HDAC9: variants seen among roughly 807,000 people sequenced by gnomAD.
The protein encoded by HDAC9 is MEF-2 interacting transcription repressor (MITR) protein.
Under a neutral mutation model 139.4 loss-of-function variants are expected in HDAC9, and 41 were observed. The ratio of observed to expected loss-of-function variants is 0.29; its 90% CI spans 0.23 to 0.38. The LOEUF (loss-of-function observed/expected upper bound fraction) is 0.38. HDAC9 is among the 10% of genes least tolerant of loss of function. The pLI is 1.00. For synonymous variants in HDAC9, 517 were observed against 476.2 expected, an observed-to-expected ratio of 1.09 and a Z score of -1.12; for missense variants, 1,147 against 1,297.0, an observed-to-expected ratio of 0.88 and a Z score of 1.78.
chr7:18,923,065 T>A (rs726805), intron 22 of HDAC9, among the ~76,000 whole-genome samples: 57,253 of 151,832 alleles, frequency 0.38, 11,163 homozygotes, highest in African/African-American at 0.39. Flanking sequence ...TCACTATGAA[T>A]TTCTTTTGTC....
chr7:18,821,244 AT>A (rs1386580090), intron 17 of HDAC9, among the ~76,000 whole-genome samples: 1 of 152,212 alleles, frequency 6.6e-6, no homozygotes. Flanking sequence ...TAATAATATC[AT>A]ATTGACCCTT....
At chr7:18,353,355 G>A (rs1005243512) in intron 1 of HDAC9, among the ~76,000 whole-genome samples, 1 of 152,026 alleles carries the variant, frequency 6.6e-6, no homozygotes, top group Non-Finnish European at 1.5e-5. Flanking sequence ...ATAACTCCAT[G>A]TGTCACAAAA....
chr7:18,614,005 A>AT (rs555998789), intron 6 of HDAC9, among the ~76,000 whole-genome samples: 13 of 152,066 alleles, frequency 8.5e-5, no homozygotes, highest in African/African-American at 2.9e-4. Context: ...TGTCTCTTCT[A>AT]TTTTTTTAAC....
At chr7:18,392,646 C>T (rs571462999) in intron 1 of HDAC9, among the ~76,000 whole-genome samples, 19 of 152,060 alleles carry the variant, frequency 1.2e-4, no homozygotes, top group South Asian at 1.0e-3. Flanking sequence ...CTGTGTATTG[C>T]GCATCCAGAT....
chr7:18,928,454 G>C (rs1160730317), intron 22 of HDAC9, among the ~76,000 whole-genome samples: 2 of 152,146 alleles, frequency 1.3e-5, no homozygotes, highest in African/African-American at 2.4e-5. Context: ...AAAGAGCAAG[G>C]CTTCTTCCAA....
intron 24 of HDAC9, among the ~76,000 whole-genome samples, chr7:18,967,368 G>C (rs950058859): frequency 5.9e-5 from 9 of 152,040 alleles, no homozygotes; most frequent in Admixed American, 1.3e-4. Flanking sequence ...GACTCCATTA[G>C]TATCATTTCT....
At chr7:18,917,608 C>T (rs536549088) in intron 22 of HDAC9, among the ~76,000 whole-genome samples, 7 of 151,938 alleles carry the variant, frequency 4.6e-5, no homozygotes, top group Non-Finnish European at 7.4e-5. Context: ...AAGAAGGACA[C>T]GAGTGAAGAG....
rs1301045039 is a variant in HDAC9 at position 18,574,516 on chromosome 7, C to T, written c.23-10765C>T. On this transcript the variant is annotated intron_variant, in intron 2 of 25. Coordinates refer to ENST00000686413, the MANE Select transcript of HDAC9 (RefSeq NM_178425.4). ...GCCTGGCCCCCAGGATTTTGGCTGT[C>T]CCTGGCTTGAAGGTGGGGCTTCACC... 2.0e-5 allele frequency among the ~76,000 whole-genome samples: 3 copies of T among 152,320 alleles called. No individual in the cohort carries two copies. In the East Asian group the frequency reaches 5.8e-4, roughly 29 times the overall value.
chr7:18,644,560 T>C (rs1315099576), intron 8 of HDAC9, 111 bp from the exon 9 acceptor site: 20 of 788,340 alleles, frequency 2.5e-5, no homozygotes, highest in Admixed American at 3.6e-5. Flanking sequence ...ATAAAATAAA[T>C]ACTTAAAATC....
At chr7:18,441,954 T>C (rs919360139) in intron 1 of HDAC9, among the ~76,000 whole-genome samples, 3 of 152,026 alleles carry the variant, frequency 2.0e-5, no homozygotes, top group Non-Finnish European at 4.4e-5. Context: ...GTATTTTTAG[T>C]AGAGACAGGG....
chr7:18,774,897 C>A (rs986778975), intron 16 of HDAC9, among the ~76,000 whole-genome samples: 3 of 152,076 alleles, frequency 2.0e-5, no homozygotes, highest in African/African-American at 7.2e-5. Flanking sequence ...TTTCAACATG[C>A]CTTCTTCGCT....
At chr7:18,510,714 T>C (rs796232012) in intron 2 of HDAC9, among the ~76,000 whole-genome samples, 23 of 152,298 alleles carry the variant, frequency 1.5e-4, no homozygotes, top group African/African-American at 5.5e-4. Context: ...TTTGAAAAAT[T>C]ATCTAAAGTA....
chr7:18,611,525 G>T (rs904809628), intron 6 of HDAC9, among the ~76,000 whole-genome samples: 1 of 152,012 alleles, frequency 6.6e-6, no homozygotes, highest in Non-Finnish European at 1.5e-5. Flanking sequence ...TCACAGAGAG[G>T]TTTACTAACT....
chr7:18,648,084 C>T, intron 10 of HDAC9, 86 bp downstream of exon 10: 1 of 1,056,402 alleles, frequency 9.5e-7, no homozygotes, highest in South Asian at 1.6e-5. Flanking sequence ...ACTCAAGACC[C>T]TGATGGAGAT....
rs559338810 is a variant in HDAC9 at position 18,394,846 on chromosome 7, A to C, written c.-41-101416A>C. The stretch of plus-strand genomic sequence containing the variant: ...GTCATTTCTGATACCAAAGGACACT[A>C]TGCAGGCCAATCAGCAACACAATTA... On this transcript the variant is annotated intron_variant, in intron 1 of 3. Coordinates refer to the HDAC9 transcript ENST00000413509. Among the ~76,000 whole-genome samples the C allele has an allele frequency of 5.3e-5, 8 of 152,248 alleles. No individual in the cohort carries two copies. In the East Asian group the frequency reaches 1.5e-3, roughly 29 times the overall value.
chr7:18,577,037 C>T (rs1826191399), intron 2 of HDAC9, among the ~76,000 whole-genome samples: 2 of 152,134 alleles, frequency 1.3e-5, no homozygotes, highest in Admixed American at 6.5e-5. Context: ...CTTTATTCTA[C>T]TTTAAATCAT....
intron 25 of HDAC9, among the ~76,000 whole-genome samples, chr7:18,991,015 C>T (rs1291485920): frequency 1.3e-5 from 2 of 152,256 alleles, no homozygotes; most frequent in African/African-American, 4.8e-5. Flanking sequence ...CTGCGTTGCC[C>T]ATGCTGGGAG....
chr7:18,984,859 C>T (rs117406430), intron 25 of HDAC9, among the ~76,000 whole-genome samples: 1 of 152,164 alleles, frequency 6.6e-6, no homozygotes, highest in East Asian at 1.9e-4. Context: ...GTCAATTCCC[C>T]ACAAAAACTT....
intron 22 of HDAC9, among the ~76,000 whole-genome samples, chr7:18,901,354 A>T (rs1421041423): frequency 6.6e-6 from 1 of 151,628 alleles, no homozygotes; most frequent in African/African-American, 2.4e-5. Flanking sequence ...TCTCAGAGTT[A>T]AAAAAAATCC....
Sources: allele counts gnomAD v4.1 joint callset (sites outside exome capture counted in the v4.1 genomes callset), GRCh38; gene constraint gnomAD v4.1.1; transcripts MANE v1.5; gene names NCBI Gene and HGNC (gene_info 2026-07-23, HGNC 2026-07-21).